Variants in DIAPH2 observed in about 807,000 individuals in gnomAD.
The protein encoded by DIAPH2 is protein diaphanous homolog 2.
Under a neutral mutation model 92.7 loss-of-function variants are expected in DIAPH2, and 35 were observed. The ratio of observed to expected loss-of-function variants is 0.38; its 90% confidence interval spans 0.29 to 0.50. The LOEUF (loss-of-function observed/expected upper bound fraction) is 0.50, where lower values mean the gene tolerates loss of function less well. Among genes scored for constraint, DIAPH2 ranks in the 20% least tolerant of loss-of-function variants. The pLI, the probability that DIAPH2 is intolerant of heterozygous loss-of-function variation, is 0.94. For missense variants in DIAPH2, 701 were observed against 819.5 expected, an observed-to-expected ratio of 0.86 and a Z score of 1.77; for synonymous variants, 301 against 280.4, an observed-to-expected ratio of 1.07 and a Z score of -0.73.
At chrX:96,970,713 G>C (rs1039502137) in intron 17 of DIAPH2, among the ~76,000 whole-genome samples, 25 of 110,814 alleles carry the variant, frequency 2.3e-4, no homozygotes, top group African/African-American at 7.9e-4. Flanking sequence ...TTAATTCTTT[G>C]TGTGGATTTT....
At chrX:96,910,192 T>G (rs1369815898) in intron 5 of DIAPH2, among the ~76,000 whole-genome samples, 1 of 111,061 alleles carries the variant, frequency 9.0e-6, no homozygotes, top group African/African-American at 3.3e-5. Context: ...CTGATGTCCC[T>G]TTATCCCTCT....
chrX:97,431,386 TA>T (rs927205652), intron 26 of DIAPH2: 2 of 112,447 alleles, frequency 1.8e-5, no homozygotes, highest in African/African-American at 6.5e-5. Context: ...CTGTTTATTT[TA>T]AAAATGCACA....
intron 1 of DIAPH2, among the ~76,000 whole-genome samples, chrX:96,694,900 T>C (rs894220934): frequency 7.2e-5 from 8 of 110,461 alleles, no homozygotes; most frequent in Non-Finnish European, 1.5e-4. Flanking sequence ...TGCATTAGTT[T>C]ACATTATCTA....
At chrX:97,252,341 A>G (rs2068195601) in intron 23 of DIAPH2, among the ~76,000 whole-genome samples, 1 of 111,766 alleles carries the variant, frequency 8.9e-6, no homozygotes, top group African/African-American at 3.3e-5. Flanking sequence ...AGCTGACAGA[A>G]TGTTAATGAC....
intron 22 of DIAPH2, among the ~76,000 whole-genome samples, chrX:97,235,673 C>T (rs1370647547): frequency 1.8e-5 from 2 of 109,193 alleles, no homozygotes; most frequent in Non-Finnish European, 3.8e-5. Flanking sequence ...AGCGCTTTCT[C>T]ACTACACTTA....
intron 24 of DIAPH2, among the ~76,000 whole-genome samples, chrX:97,370,912 T>G (rs1416772855): frequency 1.8e-5 from 2 of 112,341 alleles, no homozygotes; most frequent in Non-Finnish European, 3.8e-5. Flanking sequence ...CAAAGGTGGC[T>G]ATTTGTAGGA....
intron 1 of DIAPH2, among the ~76,000 whole-genome samples, chrX:96,733,994 A>T (rs1348459750): frequency 8.9e-6 from 1 of 112,029 alleles, no homozygotes; most frequent in African/African-American, 3.2e-5. Context: ...ATAGATAAAA[A>T]GTATGTTAAT....
intron 24 of DIAPH2, among the ~76,000 whole-genome samples, chrX:97,382,227 A>G (rs192114167): frequency 8.9e-6 from 1 of 112,127 alleles, no homozygotes; most frequent in African/African-American, 3.2e-5. Context: ...TTAGACATCT[A>G]TTTATTAATG....
intron 26 of DIAPH2, among the ~76,000 whole-genome samples, chrX:97,489,640 A>G (rs6620292): frequency 0.44 from 48,153 of 109,784 alleles, 7,607 homozygotes; most frequent in East Asian, 0.57. Flanking sequence ...AGTGTTTATC[A>G]TGGAAAGGTG....
chrX:97,461,234 CT>C (rs11382843), intron 26 of DIAPH2, among the ~76,000 whole-genome samples: 299 of 97,848 alleles, frequency 3.1e-3, no homozygotes, highest in East Asian at 0.024. Context: ...ACTAGTTTGT[CT>C]TTTTTTTTTT....
intron 4 of DIAPH2, among the ~76,000 whole-genome samples, chrX:96,879,786 G>A (rs895236767): frequency 1.0e-4 from 11 of 110,476 alleles, no homozygotes; most frequent in Non-Finnish European, 1.1e-4. Flanking sequence ...CTGGAGTGCT[G>A]TGGCGGGATC....
chrX:97,000,174 C>T (rs1028296709), intron 17 of DIAPH2, among the ~76,000 whole-genome samples: 4 of 111,554 alleles, frequency 3.6e-5, no homozygotes, highest in Middle Eastern at 4.6e-3. Context: ...AAGTCACACT[C>T]GAGAATGGAA....
At chrX:96,848,216 T>A (rs904336696) in intron 4 of DIAPH2, among the ~76,000 whole-genome samples, 17 of 110,115 alleles carry the variant, frequency 1.5e-4, no homozygotes, top group South Asian at 1.2e-3. Context: ...ATTTAAAAAA[T>A]TTTTTTGTAG....
At chrX:96,974,988 G>T (rs1259291197) in intron 17 of DIAPH2, among the ~76,000 whole-genome samples, 1 of 111,318 alleles carries the variant, frequency 9.0e-6, no homozygotes, top group East Asian at 2.8e-4. Context: ...TTGCTTGGAG[G>T]AAATACAAGA....
At chrX:97,406,977 AG>A (rs2069816916) in intron 25 of DIAPH2, among the ~76,000 whole-genome samples, 1 of 111,865 alleles carries the variant, frequency 8.9e-6, no homozygotes, top group Non-Finnish European at 1.9e-5. Context: ...TACATAAAAA[AG>A]AGTAAAAATA....
At chrX:97,013,972 A>G (rs1156616196) in intron 17 of DIAPH2, among the ~76,000 whole-genome samples, 1 of 112,554 alleles carries the variant, frequency 8.9e-6, no homozygotes, top group East Asian at 2.8e-4. Context: ...AGCCTAGGAA[A>G]GTAGAGAATG....
At chrX:96,809,832 G>A (rs2064661586) in intron 4 of DIAPH2, among the ~76,000 whole-genome samples, 1 of 111,609 alleles carries the variant, frequency 9.0e-6, no homozygotes, top group Admixed American at 9.5e-5. Flanking sequence ...CCATGTCCCT[G>A]CAAAGAAGAT....
intron 17 of DIAPH2, among the ~76,000 whole-genome samples, chrX:97,020,161 A>G (rs2066288133): frequency 8.9e-6 from 1 of 112,678 alleles, no homozygotes; most frequent in African/African-American, 3.2e-5. Context: ...TCATTTTAAC[A>G]AAGGATGGTT....
intron 4 of DIAPH2, among the ~76,000 whole-genome samples, chrX:96,850,808 A>G (rs1372559791): frequency 8.9e-6 from 1 of 112,217 alleles, no homozygotes; most frequent in Non-Finnish European, 1.9e-5. Context: ...GAGGCATACA[A>G]CACATGAAAT....
Sources: allele counts gnomAD v4.1 joint callset (sites outside exome capture counted in the v4.1 genomes callset), GRCh38; gene constraint gnomAD v4.1.1; transcripts MANE v1.5; gene names NCBI Gene and HGNC (gene_info 2026-07-23, HGNC 2026-07-21).